CHN2: variants seen among roughly 807,000 people sequenced by gnomAD.
The protein encoded by CHN2 is beta-chimaerin.
Under a neutral mutation model 56.3 loss-of-function variants are expected in CHN2, and 35 were observed. The ratio of observed to expected loss-of-function variants is 0.62; its 90% CI spans 0.47 to 0.82. The LOEUF (loss-of-function observed/expected upper bound fraction) is 0.82. Ranked by LOEUF, CHN2 falls within the 40% of genes least tolerant of loss-of-function variation. The pLI, the probability that CHN2 is intolerant of heterozygous loss-of-function variation, is 0.00. For synonymous variants in CHN2, 210 were observed against 212.8 expected (o/e 0.99, Z 0.12); for missense variants, 491 against 580.5 (o/e 0.85, Z 1.58).
intron 2 of CHN2, among the ~76,000 whole-genome samples, chr7:29,357,039 A>G (rs1417351464): frequency 6.6e-6 from 1 of 152,206 alleles, no homozygotes; most frequent in Non-Finnish European, 1.5e-5. Flanking sequence ...GCCTTCTTCT[A>G]AGAGACCTTG....
At chr7:29,399,124 C>T (rs184055123) in intron 5 of CHN2, among the ~76,000 whole-genome samples, 94 of 152,264 alleles carry the variant, frequency 6.2e-4, no homozygotes, top group African/African-American at 2.1e-3. Context: ...CAGATGCTAT[C>T]GGTAGGTGTG....
At chr7:29,362,886 C>A (rs935497094) in intron 2 of CHN2, among the ~76,000 whole-genome samples, 1 of 152,176 alleles carries the variant, frequency 6.6e-6, no homozygotes, top group South Asian at 2.1e-4. Context: ...AGATTGTGAC[C>A]CATGGGCCAT....
chr7:29,512,289 T>G (rs574943231), intron 12 of CHN2, among the ~76,000 whole-genome samples: 1 of 147,452 alleles, frequency 6.8e-6, no homozygotes, highest in Admixed American at 6.7e-5. Context: ...CCACATTTAC[T>G]TAATAAGGAG....
intron 1 of CHN2, among the ~76,000 whole-genome samples, chr7:29,236,324 C>A (rs1423171831): frequency 6.6e-6 from 1 of 152,162 alleles, no homozygotes; most frequent in African/African-American, 2.4e-5. Context: ...TTACAAGTTC[C>A]CCTATAGAGT....
At chr7:29,305,234 A>T (rs540956962) in intron 1 of CHN2, among the ~76,000 whole-genome samples, 1 of 152,284 alleles carries the variant, frequency 6.6e-6, no homozygotes, top group Non-Finnish European at 1.5e-5. Context: ...ATTCCAGAGA[A>T]AGAAGAGTGT....
intron 6 of CHN2, among the ~76,000 whole-genome samples, chr7:29,405,911 C>A (rs910193227): frequency 6.6e-6 from 1 of 152,132 alleles, no homozygotes; most frequent in Non-Finnish European, 1.5e-5. Context: ...TGATTCCCTA[C>A]AATGTGCTTG....
At chr7:29,155,108 A>ACCTCCCACCAGGTC (rs1278771756) in intron 2 of CHN2, among the ~76,000 whole-genome samples, 2 of 151,850 alleles carry the variant, frequency 1.3e-5, no homozygotes, top group Non-Finnish European at 1.5e-5. Context: ...TGATTCAATT[A>ACCTCCCACCAGGTC]CCTCCCACCA....
At chr7:29,390,053 CAAAA>C (rs59954760) in intron 3 of CHN2, among the ~76,000 whole-genome samples, 3 of 122,006 alleles carry the variant, frequency 2.5e-5, no homozygotes, top group Non-Finnish European at 5.0e-5. Context: ...GACACTGTCT[CAAAA>C]AAAAAAAAAA....
intron 3 of CHN2, among the ~76,000 whole-genome samples, chr7:29,375,781 CAG>C (rs1800031530): frequency 6.6e-6 from 1 of 152,094 alleles, no homozygotes; most frequent in African/African-American, 2.4e-5. Context: ...CATCCAAACA[CAG>C]AGCAAATGTC....
rs1027021227 is a variant in CHN2, at chr7:29,420,015, A to G, written c.576+19187A>G. Among the ~76,000 whole-genome samples the G allele has an allele frequency of 3.3e-5, 5 of 150,818 alleles. No individual in the cohort carries two copies. The East Asian group carries it at 9.9e-4, about 30-fold the overall frequency. On this transcript the variant is annotated intron_variant, in intron 6 of 12. Transcript: ENST00000222792. ...GCAGAGGTTGCAGTGAGCCAAGATC[A>G]TGCCACTGCACTCCAGCCCAGGTGA...
At chr7:29,221,708 G>A (rs945260598) in intron 1 of CHN2, among the ~76,000 whole-genome samples, 1 of 152,180 alleles carries the variant, frequency 6.6e-6, no homozygotes, top group Non-Finnish European at 1.5e-5. Flanking sequence ...GAGAACATGG[G>A]ATGTTTGGTT....
chr7:29,175,359 A>G (rs1056435472), intron 2 of CHN2, among the ~76,000 whole-genome samples: 1 of 151,856 alleles, frequency 6.6e-6, no homozygotes, highest in African/African-American at 2.4e-5. Context: ...TATTTTCAGT[A>G]GAGAGGGGGT....
intron 1 of CHN2, among the ~76,000 whole-genome samples, chr7:29,213,988 C>T (rs116891430): frequency 5.9e-5 from 9 of 152,212 alleles, no homozygotes; most frequent in Non-Finnish European, 1.2e-4. Context: ...ATTCATTAGT[C>T]TCAGAAGGGA....
At chr7:29,201,424 T>C (rs556507962) in intron 1 of CHN2, among the ~76,000 whole-genome samples, 120 of 152,266 alleles carry the variant, frequency 7.9e-4, no homozygotes, top group African/African-American at 2.6e-3. Context: ...ACTTTTTTTT[T>C]TTTCTCTCTG....
chr7:29,185,459 C>T (rs1039417087), intron 2 of CHN2: 2 of 152,176 alleles, frequency 1.3e-5, no homozygotes, highest in African/African-American at 4.8e-5. Flanking sequence ...CCCTCTCTTT[C>T]CTTCATGACC....
chr7:29,343,324 C>G (rs1043450935), intron 1 of CHN2, among the ~76,000 whole-genome samples: 3 of 152,266 alleles, frequency 2.0e-5, no homozygotes, highest in South Asian at 2.1e-4. Flanking sequence ...AGGGACATGG[C>G]CAGTGGTTTG....
chr7:29,157,739 T>C (rs1365428850), intron 2 of CHN2, among the ~76,000 whole-genome samples: 1 of 152,126 alleles, frequency 6.6e-6, no homozygotes, highest in Non-Finnish European at 1.5e-5. Flanking sequence ...AGAAAACATA[T>C]TTTCAATAAC....
chr7:29,223,408 A>G (rs1300101079), intron 1 of CHN2, among the ~76,000 whole-genome samples: 2 of 152,172 alleles, frequency 1.3e-5, no homozygotes, highest in Non-Finnish European at 2.9e-5. Context: ...AGGTCTTCCA[A>G]TGAAACACTA....
At chr7:29,281,073 C>T (rs185449695) in intron 1 of CHN2, among the ~76,000 whole-genome samples, 1 of 152,276 alleles carries the variant, frequency 6.6e-6, no homozygotes, top group East Asian at 1.9e-4. Flanking sequence ...GAAAATTAAG[C>T]ATATGAATAA....
Sources: gnomAD v4.1 joint callset for allele counts (sites outside exome capture counted in the v4.1 genomes callset) on GRCh38, gnomAD v4.1.1 for gene constraint, MANE v1.5 for transcripts, NCBI Gene and HGNC (gene_info 2026-07-23, HGNC 2026-07-21) for gene names.